The following BAZ2B variants were observed in gnomAD, a reference collection of about 807,000 sequenced individuals.
BAZ2B encodes the protein bromodomain adjacent to zinc finger domain protein 2B.
In BAZ2B, 91 loss-of-function variants were observed where a neutral mutation model predicts 246.0. The ratio of observed to expected loss-of-function variants is 0.37; its 90% CI spans 0.31 to 0.44. The LOEUF (loss-of-function observed/expected upper bound fraction) is 0.44. BAZ2B is among the 20% of genes least tolerant of loss of function. The pLI, the probability that BAZ2B is intolerant of heterozygous loss-of-function variation, is 1.00. For synonymous variants in BAZ2B, 855 were observed against 860.0 expected, an observed-to-expected ratio of 0.99 and a Z score of 0.10; for missense variants, 2,332 against 2,533.7, an observed-to-expected ratio of 0.92 and a Z score of 1.71.
intron 1 of BAZ2B, among the ~76,000 whole-genome samples, chr2:159,579,999 A>C (rs1686343767): frequency 6.6e-6 from 1 of 152,214 alleles, no homozygotes; most frequent in Non-Finnish European, 1.5e-5. Context: ...TTCCCTTTGA[A>C]AACTGGCACA....
At chr2:159,523,431 C>T (rs1430636589) in intron 2 of BAZ2B, among the ~76,000 whole-genome samples, 2 of 151,108 alleles carry the variant, frequency 1.3e-5, no homozygotes, top group Non-Finnish European at 2.9e-5. Context: ...CAAGGCTGGG[C>T]GCAGTGGCTC....
the BAZ2B span, among the ~76,000 whole-genome samples, chr2:159,623,847 T>C: frequency 1.4e-4 from 22 of 152,340 alleles, 1 homozygote; most frequent in South Asian, 4.6e-3. Flanking sequence ...TCTGTCATAA[T>C]GAAATGGTTG....
At chr2:159,462,710 G>GT (rs1327415011) in intron 3 of BAZ2B, 3 of 1,391,760 alleles carry the variant, frequency 2.2e-6, no homozygotes, top group Admixed American at 3.4e-5. Flanking sequence ...TGTAGGTGGT[G>GT]TGATGGTAAA....
At position 159,612,637 on chromosome 2, in the gene BAZ2B, A is replaced by G. The variant is rs541115193; in HGVS notation, c.-46+3605T>C. Among the ~76,000 whole-genome samples, 4 of 152,314 alleles carry G rather than the reference A, an allele frequency of 2.6e-5. No homozygotes were observed. The South Asian group carries it at 8.3e-4, about 32-fold the overall frequency. On this transcript the variant is annotated intron_variant, in intron 1 of 36. Coordinates refer to ENST00000392783, the MANE Select transcript of BAZ2B (RefSeq NM_013450.4). ...AACTTTCATGCAACTGTGATATCCT[A>G]CATCTTGTATAGTAACACAAAAGTA...
chr2:159,604,639 A>G (rs958853165), intron 1 of BAZ2B, among the ~76,000 whole-genome samples: 15 of 152,212 alleles, frequency 9.9e-5, no homozygotes, highest in Admixed American at 7.9e-4. Flanking sequence ...AAAACATGAC[A>G]ATGCTTTAAA....
At chr2:159,703,874 T>A in the BAZ2B span, among the ~76,000 whole-genome samples, 3 of 151,772 alleles carry the variant, frequency 2.0e-5, no homozygotes, top group Admixed American at 6.6e-5. Flanking sequence ...CAAAAAAAAA[T>A]TTTTTTTTGA....
rs1383268458 is a variant in BAZ2B, at chr2:159,541,778, AT to A, written c.-3+14044del. On this transcript the variant is annotated intron_variant, in intron 2 of 36. Coordinates refer to ENST00000392783, the MANE Select transcript of BAZ2B (RefSeq NM_013450.4). ...TTACTGGAGTTCTTTTTTTCTTCATATGCCTTTAAGTTACTGTCCAGGTTCC... is the reference window on the plus strand; with the variant it reads ...TTACTGGAGTTCTTTTTTTCTTCATAGCCTTTAAGTTACTGTCCAGGTTCC... Among the ~76,000 whole-genome samples, 4 of 152,010 alleles carry A rather than the reference AT, an allele frequency of 2.6e-5. No homozygotes were observed. The East Asian group carries it at 7.7e-4, about 29-fold the overall frequency.
chr2:159,664,940 G>A, the BAZ2B span, among the ~76,000 whole-genome samples: 2 of 151,452 alleles, frequency 1.3e-5, no homozygotes, highest in Admixed American at 1.3e-4. Context: ...TTTTGGACAT[G>A]AAGTCCTTGC....
chr2:159,325,748 C>A lies in BAZ2B; in HGVS notation c.6114G>T (p.Met2038Ile). The change falls in exon 35 of 37, where the codon ATG (methionine) becomes ATT (isoleucine). Residue 2038 changes from methionine (M) to isoleucine (I), a missense_variant. This residue lies in a region of BAZ2B where 210 missense variants were observed against 232.5 expected (regional missense o/e 0.90). Coordinates refer to ENST00000392783, the MANE Select transcript of BAZ2B (RefSeq NM_013450.4). ...RGNKDLKKRK[M>I]EENTSINLSK... ...ACAAGTTAATAGAAGTGTTTTCCTCCATTTTTCTTTTCTTGAGGTCTTTGT... is the reference window on the plus strand; with the variant it reads ...ACAAGTTAATAGAAGTGTTTTCCTCAATTTTTCTTTTCTTGAGGTCTTTGT... 6.3e-7 allele frequency: 1 copy of A among 1,598,580 alleles called. No individual in the cohort carries two copies. Among genetic ancestry groups the A allele is most frequent in the South Asian group, 1.2e-5 (1 of 86,390 alleles).
At chr2:159,597,277 C>T (rs188464757) in intron 1 of BAZ2B, among the ~76,000 whole-genome samples, 313 of 152,118 alleles carry the variant, frequency 2.1e-3, no homozygotes, top group African/African-American at 7.2e-3. Context: ...TTAAAATGTT[C>T]GAAACATTTT....
intron 1 of BAZ2B, among the ~76,000 whole-genome samples, chr2:159,594,067 C>T (rs1690020254): frequency 6.6e-6 from 1 of 152,128 alleles, no homozygotes; most frequent in African/African-American, 2.4e-5. Flanking sequence ...AATTCTCAGA[C>T]AATAAAAACA....
intron 1 of BAZ2B, among the ~76,000 whole-genome samples, chr2:159,577,310 C>T (rs549312540): frequency 3.1e-4 from 47 of 152,162 alleles, no homozygotes; most frequent in African/African-American, 1.1e-3. Flanking sequence ...TAGAGTATGA[C>T]CTTATTTTTA....
chr2:159,579,256 C>A (rs1479087799), intron 1 of BAZ2B, among the ~76,000 whole-genome samples: 1 of 152,038 alleles, frequency 6.6e-6, no homozygotes, highest in Non-Finnish European at 1.5e-5. Context: ...ACCACCGATC[C>A]CCCAGAAATA....
chr2:159,587,236 G>T (rs1688245304), intron 1 of BAZ2B, among the ~76,000 whole-genome samples: 2 of 151,900 alleles, frequency 1.3e-5, no homozygotes, highest in Admixed American at 1.3e-4. Context: ...CTGCCACCAC[G>T]CCTGGCTAAT....
Position 159,431,060 on chromosome 2 carries a change from T to C in BAZ2B, c.1997A>G (p.Glu666Gly). 1 of 1,614,072 alleles carries C rather than the reference T, an allele frequency of 6.2e-7. No individual in the cohort carries two copies. The highest frequency in any genetic ancestry group is 2.2e-5 in the East Asian group (1 of 44,878). The change falls in exon 10 of 37, where the codon GAG becomes GGG. Residue 666 changes from glutamate to glycine, a missense_variant. Transcript: ENST00000392783. ...QDESDSDTEG[E>G]KTSMKLNKTT... Reference sequence around the variant, plus strand: ...TTTATTCAGTTTCATTGAAGTTTTCTCTCCTTCAGTATCACTATCTGATTC... The same window carrying C: ...TTTATTCAGTTTCATTGAAGTTTTCCCTCCTTCAGTATCACTATCTGATTC...
chr2:159,566,258 G>A (rs938217416), intron 1 of BAZ2B, among the ~76,000 whole-genome samples: 1 of 152,078 alleles, frequency 6.6e-6, no homozygotes, highest in African/African-American at 2.4e-5. Context: ...TTATCCACCC[G>A]CCTCAGCCTC....
At chr2:159,622,183 C>T in the BAZ2B span, among the ~76,000 whole-genome samples, 9 of 142,214 alleles carry the variant, frequency 6.3e-5, no homozygotes, top group Admixed American at 4.6e-4. Flanking sequence ...GCAGAAGGAT[C>T]GCTTGAGTCC....
At chr2:159,660,877 C>T in the BAZ2B span, among the ~76,000 whole-genome samples, 1 of 152,116 alleles carries the variant, frequency 6.6e-6, no homozygotes, top group African/African-American at 2.4e-5. Flanking sequence ...GGATTACAGG[C>T]ATGAGCCACT....
chr2:159,644,649 C>T, the BAZ2B span, among the ~76,000 whole-genome samples: 3 of 152,198 alleles, frequency 2.0e-5, no homozygotes, highest in South Asian at 6.2e-4. Flanking sequence ...TGAAAGCCTT[C>T]CTTCATTCTG....
Sources: gnomAD v4.1 joint callset for allele counts (sites outside exome capture counted in the v4.1 genomes callset) on GRCh38, gnomAD v4.1.1 for gene constraint, gnomAD v4.1.1 regional missense constraint, MANE v1.5 for transcripts, NCBI Gene and HGNC (gene_info 2026-07-23, HGNC 2026-07-21) for gene names.